Variants in SAMD5 observed in about 807,000 individuals in gnomAD.
SAMD5 encodes the protein sterile alpha motif domain containing 5.
SAMD5 carries 13 observed loss-of-function variants against 11.3 expected under a neutral mutation model. The ratio of observed to expected loss-of-function variants is 1.15; its 90% CI spans 0.75 to 1.83. SAMD5 has a LOEUF of 1.83. SAMD5 is among the 40% of genes most tolerant of loss of function. The pLI, the probability that SAMD5 is intolerant of heterozygous loss-of-function variation, is 0.00. For missense variants in SAMD5, 255 were observed against 239.1 expected (o/e 1.07, Z -0.44); for synonymous variants, 129 against 111.3 (o/e 1.16, Z -1.00).
chr6:147,646,134 C>G (rs1790397441), intron 1 of SAMD5, among the ~76,000 whole-genome samples: 1 of 152,046 alleles, frequency 6.6e-6, no homozygotes, highest in Non-Finnish European at 1.5e-5. Context: ...TGCCAACCCC[C>G]TGTGCAGTCA....
intron 1 of SAMD5, among the ~76,000 whole-genome samples, chr6:147,629,029 G>A (rs529827706): frequency 1.8e-4 from 28 of 152,208 alleles, no homozygotes; most frequent in African/African-American, 6.5e-4. Flanking sequence ...AGTGGCTCAC[G>A]CGTGTAATCC....
the SAMD5 span, among the ~76,000 whole-genome samples, chr6:147,771,891 G>A: frequency 2.6e-4 from 40 of 152,216 alleles, no homozygotes; most frequent in Middle Eastern, 6.8e-3. Context: ...CTCCATTGCC[G>A]TGACAGCTAC....
At chr6:147,823,929 C>T in the SAMD5 span, among the ~76,000 whole-genome samples, 27,840 of 152,122 alleles carry the variant, frequency 0.18, 2,726 homozygotes, top group Middle Eastern at 0.27. Context: ...TTGAGAGTTA[C>T]TATTTCCATT....
the SAMD5 span, among the ~76,000 whole-genome samples, chr6:147,896,738 C>CAAT: frequency 1.8e-5 from 1 of 55,322 alleles, no homozygotes; most frequent in Admixed American, 1.8e-4. Context: ...GAACATTAAC[C>CAAT]AAAAAAAAAA....
chr6:147,777,239 C>T, the SAMD5 span, among the ~76,000 whole-genome samples: 9 of 151,936 alleles, frequency 5.9e-5, no homozygotes, highest in African/African-American at 2.2e-4. Context: ...CCCAATAATA[C>T]CAAGATTTGT....
At chr6:147,835,056 C>G in the SAMD5 span, among the ~76,000 whole-genome samples, 1 of 151,926 alleles carries the variant, frequency 6.6e-6, no homozygotes. Flanking sequence ...CATGGCAAAA[C>G]CCCGTCTCTA....
the SAMD5 span, among the ~76,000 whole-genome samples, chr6:147,872,463 A>C: frequency 2.6e-5 from 4 of 152,168 alleles, no homozygotes; most frequent in Admixed American, 2.6e-4. Flanking sequence ...TGCCTGAATT[A>C]ACTAATTTGA....
chr6:147,665,777 A>T (rs1247192595), intron 1 of SAMD5, among the ~76,000 whole-genome samples: 1 of 152,228 alleles, frequency 6.6e-6, no homozygotes. Context: ...TGAGTAAGAT[A>T]GTTGTTAGGT....
chr6:147,681,955 C>A (rs867679664), intron 1 of SAMD5, among the ~76,000 whole-genome samples: 2 of 152,166 alleles, frequency 1.3e-5, no homozygotes, highest in African/African-American at 4.8e-5. Flanking sequence ...TTCCCTGGTG[C>A]TGGGTAGTTG....
At chr6:147,865,489 A>G in the SAMD5 span, among the ~76,000 whole-genome samples, 2 of 152,148 alleles carry the variant, frequency 1.3e-5, no homozygotes, top group African/African-American at 4.8e-5. Flanking sequence ...GATGTAACAC[A>G]TTTGCAGGCT....
chr6:147,904,083 C>A, the SAMD5 span, among the ~76,000 whole-genome samples: 1 of 152,110 alleles, frequency 6.6e-6, no homozygotes, highest in Non-Finnish European at 1.5e-5. Flanking sequence ...CCAGGAGAAG[C>A]CTCTTAACCA....
At chr6:147,918,187 A>T in the SAMD5 span, among the ~76,000 whole-genome samples, 1 of 152,150 alleles carries the variant, frequency 6.6e-6, no homozygotes, top group Non-Finnish European at 1.5e-5. Context: ...GATTCTTCCT[A>T]ACCATGAGCA....
intron 1 of SAMD5, among the ~76,000 whole-genome samples, chr6:147,535,241 G>A (rs371937713): frequency 1.2e-3 from 190 of 152,310 alleles, no homozygotes; most frequent in African/African-American, 4.4e-3. Flanking sequence ...TTGTGTGAGC[G>A]TGCTCATGCA....
chr6:147,583,103 A>G (rs774353836), intron 1 of SAMD5, among the ~76,000 whole-genome samples: 4 of 152,266 alleles, frequency 2.6e-5, no homozygotes, highest in Non-Finnish European at 5.9e-5. Flanking sequence ...AAAACAGGAC[A>G]TATAAAATCC....
chr6:147,920,812 A>G, the SAMD5 span, among the ~76,000 whole-genome samples: 12 of 152,298 alleles, frequency 7.9e-5, no homozygotes, highest in African/African-American at 2.6e-4. Flanking sequence ...ATTATTTTTC[A>G]GGAACAATAC....
the SAMD5 span, among the ~76,000 whole-genome samples, chr6:147,925,187 A>T: frequency 6.6e-6 from 1 of 152,144 alleles, no homozygotes; most frequent in Admixed American, 6.6e-5. Flanking sequence ...AGCCCTTATG[A>T]ATAGGATTAG....
At chr6:147,884,805 T>A in the SAMD5 span, among the ~76,000 whole-genome samples, 1 of 152,206 alleles carries the variant, frequency 6.6e-6, no homozygotes, top group Non-Finnish European at 1.5e-5. Context: ...TGACAAATAC[T>A]GAATTGAATG....
the SAMD5 span, among the ~76,000 whole-genome samples, chr6:147,954,141 TG>T: frequency 6.6e-6 from 1 of 152,346 alleles, no homozygotes; most frequent in South Asian, 2.1e-4. Context: ...ATGTTTCCTT[TG>T]TTTTCACTGA....
At chr6:147,848,414 G>T in the SAMD5 span, among the ~76,000 whole-genome samples, 2 of 152,262 alleles carry the variant, frequency 1.3e-5, no homozygotes, top group African/African-American at 4.8e-5. Context: ...TGTTTACTGT[G>T]CATGGATTAC....
Sources: gnomAD v4.1 joint callset for allele counts (sites outside exome capture counted in the v4.1 genomes callset) on GRCh38, gnomAD v4.1.1 for gene constraint, MANE v1.5 for transcripts, NCBI Gene and HGNC (gene_info 2026-07-23, HGNC 2026-07-21) for gene names.